Variants in CDK6 observed in about 807,000 individuals in gnomAD.
The protein encoded by CDK6 is cyclin-dependent kinase 6.
A neutral mutation model predicts 37.1 loss-of-function variants in CDK6; 6 were observed. The ratio of observed to expected loss-of-function variants is 0.16; its 90% confidence interval spans 0.09 to 0.32. The LOEUF (loss-of-function observed/expected upper bound fraction) is 0.32, where lower values mean the gene tolerates loss of function less well. Among genes scored for constraint, CDK6 ranks in the 10% least tolerant of loss-of-function variants. The pLI, the probability that CDK6 is intolerant of heterozygous loss-of-function variation, is 1.00. For synonymous variants in CDK6, 160 were observed against 161.3 expected, an observed-to-expected ratio of 0.99 and a Z score of 0.06; for missense variants, 224 against 418.9, an observed-to-expected ratio of 0.53 and a Z score of 4.06.
intron 2 of CDK6, among the ~76,000 whole-genome samples, chr7:92,821,262 T>C (rs1801165413): frequency 6.6e-6 from 1 of 152,024 alleles, no homozygotes; most frequent in Non-Finnish European, 1.5e-5. Flanking sequence ...GCCAACCAAC[T>C]TGCATGAACC....
In CDK6 at chr7:92,672,188, C is replaced by CACACACACACACACACAG. The variant is rs1797097034; in HGVS notation, c.538-654_538-653insCTGTGTGTGTGTGTGTGT. ...ACATACACACACACACACACAGACA[C>CACACACACACACACACAG]ATACACACACACACACACACACACA... is the stretch of plus-strand genomic sequence containing the variant. On this transcript the variant is annotated intron_variant, in intron 4 of 7. Coordinates refer to ENST00000424848, the MANE Select transcript of CDK6 (RefSeq NM_001145306.2). Among the ~76,000 whole-genome samples, 2 of 96,798 alleles carry CACACACACACACACACAG rather than the reference C, an allele frequency of 2.1e-5. 1 individual carries two copies. Among genetic ancestry groups the CACACACACACACACACAG allele is most frequent in the Non-Finnish European group, 4.1e-5 (2 of 49,216 alleles). The allele number at this position is 96,798 out of a possible 152,430, so 63.5% of individuals were successfully genotyped here.
Position 92,613,788 on chromosome 7 carries a change from A to G in CDK6, c.*1352T>C, listed in dbSNP as rs1795613403. The G allele has an allele frequency of 4.3e-6, 1 of 233,228 alleles. No homozygotes were observed. The highest frequency in any genetic ancestry group is 2.2e-5 in the African/African-American group (1 of 45,466). 14.4% of individuals were successfully genotyped at this position (233,228 alleles called of 1,614,324 possible). A position where few individuals can be genotyped will look rare whatever the true frequency, so the allele number is the denominator to read the frequency against. On this transcript the variant is annotated 3_prime_UTR_variant, in exon 8 of 8. Transcript: ENST00000424848. ...TGTGCTGGTGATAAAACAAAACAAG[A>G]TCCTACTCATTATTTAGGTAACAAA... is the stretch of plus-strand genomic sequence containing the variant.
intron 2 of CDK6, among the ~76,000 whole-genome samples, chr7:92,780,792 A>C (rs28534865): frequency 0.12 from 18,652 of 150,702 alleles, 1,313 homozygotes; most frequent in South Asian, 0.29. Context: ...AAAAAACAAA[A>C]AACAACAACA....
In CDK6 at chr7:92,833,085, G is replaced by A. The variant is rs755363558; in HGVS notation, c.233+6C>T. On this transcript the variant is annotated splice_donor_region_variant and intron_variant, in intron 2 of 7. Transcript: ENST00000424848. The surrounding 1 kb of genome is among the most constrained non-coding windows in gnomAD (Gnocchi z 6.1). Reference sequence around the variant, plus strand: ...CAGATGGCGAGGGCGCAGCTCCCTGGCTCACCTGACCACGTTGGGGTGCTC... The same window carrying A: ...CAGATGGCGAGGGCGCAGCTCCCTGACTCACCTGACCACGTTGGGGTGCTC... The A allele has an allele frequency of 7.7e-6, 12 of 1,562,998 alleles. No homozygotes were observed. In the Admixed American group the frequency reaches 2.2e-4, roughly 29 times the overall value.
chr7:92,712,834 C>CTATGTATGTATG lies in CDK6; in HGVS notation c.537+12780_537+12791dup, dbSNP rs4015287. On this transcript the variant is annotated intron_variant, in intron 4 of 7. Coordinates refer to ENST00000424848, the MANE Select transcript of CDK6 (RefSeq NM_001145306.2). Reference sequence around the variant, plus strand: ...TTTCTCTCTTCTTTAGACATTAATCCTATGTATGTATGTATGTATGTATGT... The same window carrying CTATGTATGTATG: ...TTTCTCTCTTCTTTAGACATTAATCCTATGTATGTATGTATGTATGTATGTATGTATGTATGT... Among the ~76,000 whole-genome samples, 224 of 146,428 alleles carry CTATGTATGTATG rather than the reference C, an allele frequency of 1.5e-3. 1 individual carries two copies. Among genetic ancestry groups the CTATGTATGTATG allele is most frequent in the South Asian group, 2.4e-3 (11 of 4,576 alleles).
intron 5 of CDK6, among the ~76,000 whole-genome samples, chr7:92,633,107 A>T (rs1038380298): frequency 6.6e-6 from 1 of 152,070 alleles, no homozygotes; most frequent in Non-Finnish European, 1.5e-5. Flanking sequence ...GAAATCAAGG[A>T]CACATTAAAA....
intron 5 of CDK6, among the ~76,000 whole-genome samples, chr7:92,662,465 G>A (rs113059062): frequency 2.0e-5 from 3 of 152,190 alleles, no homozygotes; most frequent in Admixed American, 1.3e-4. Flanking sequence ...AAACAAGCAC[G>A]TGTGCTCTAG....
intron 4 of CDK6, among the ~76,000 whole-genome samples, chr7:92,707,987 A>G (rs1275341766): frequency 1.3e-5 from 2 of 152,208 alleles, no homozygotes; most frequent in African/African-American, 4.8e-5. Context: ...ACAGACTCTT[A>G]CTGGATTATA....
At chr7:92,662,494 C>CT (rs1319053894) in intron 5 of CDK6, among the ~76,000 whole-genome samples, 1 of 152,126 alleles carries the variant, frequency 6.6e-6, no homozygotes, top group African/African-American at 2.4e-5. Context: ...ATTTCTGTCT[C>CT]TAAGTAGAGC....
chr7:92,745,006 G>T (rs1799025080), intron 3 of CDK6, among the ~76,000 whole-genome samples: 1 of 151,942 alleles, frequency 6.6e-6, no homozygotes, highest in African/African-American at 2.4e-5. Context: ...TATTCATGAG[G>T]TGCAATGTGA....
intron 2 of CDK6, among the ~76,000 whole-genome samples, chr7:92,828,547 T>C (rs1043570546): frequency 6.6e-6 from 1 of 152,210 alleles, no homozygotes; most frequent in Non-Finnish European, 1.5e-5. Flanking sequence ...CTTAAAAAAC[T>C]TTCCTAAGAA....
Position 92,614,571 on chromosome 7 carries a change from A to G in CDK6, c.*569T>C, listed in dbSNP as rs1795630802. 1.3e-5 allele frequency: 3 copies of G among 233,644 alleles called. No homozygotes were observed. The highest frequency in any genetic ancestry group is 2.5e-5 in the Non-Finnish European group (3 of 118,142). The allele number at this position is 233,644 out of a possible 1,614,324, so 14.5% of individuals were successfully genotyped here. Reference sequence around the variant, plus strand: ...GTTAACTTTCTAATTTGAGAAGACTATTTTGGTGAATCACCTTCAGTGAAC... The same window carrying G: ...GTTAACTTTCTAATTTGAGAAGACTGTTTTGGTGAATCACCTTCAGTGAAC... On this transcript the variant is annotated 3_prime_UTR_variant, in exon 8 of 8. Coordinates refer to ENST00000424848, the MANE Select transcript of CDK6 (RefSeq NM_001145306.2).
Position 92,609,557 on chromosome 7 carries a change from T to C in CDK6, c.*5583A>G, listed in dbSNP as rs531902304. 2.0e-4 allele frequency: 46 copies of C among 229,832 alleles called. 1 individual carries two copies. Among genetic ancestry groups the C allele is most frequent in the Middle Eastern group, 2.7e-3 (2 of 750 alleles). 14.2% of individuals were successfully genotyped at this position (229,832 alleles called of 1,614,324 possible). A position where few individuals can be genotyped will look rare whatever the true frequency, so the allele number is the denominator to read the frequency against. Reference sequence around the variant, plus strand: ...AGCAATTTTTCAGACAAAAGTTTTGTCTACTGAATTACTGATGTGCTACTC... The same window carrying C: ...AGCAATTTTTCAGACAAAAGTTTTGCCTACTGAATTACTGATGTGCTACTC... On this transcript the variant is annotated 3_prime_UTR_variant, in exon 8 of 8. Coordinates refer to ENST00000424848, the MANE Select transcript of CDK6 (RefSeq NM_001145306.2).
chr7:92,815,432 G>A (rs1432573663), intron 2 of CDK6, among the ~76,000 whole-genome samples: 1 of 152,174 alleles, frequency 6.6e-6, no homozygotes, highest in Non-Finnish European at 1.5e-5. Flanking sequence ...AAGGCAGTAA[G>A]GGAGCAAGAA....
chr7:92,774,568 G>T (rs553663969), intron 3 of CDK6, 128 bp downstream of exon 3: 1 of 777,822 alleles, frequency 1.3e-6, no homozygotes, highest in Non-Finnish European at 2.0e-6. Flanking sequence ...CATTTTCTTT[G>T]ATTTTTTTAA....
intron 2 of CDK6, among the ~76,000 whole-genome samples, chr7:92,830,973 C>G (rs1004899008): frequency 6.6e-6 from 1 of 152,204 alleles, no homozygotes; most frequent in Non-Finnish European, 1.5e-5. Flanking sequence ...TCTGCTGAAA[C>G]GCAAACAATC....
At chr7:92,745,691 A>T (rs1182560261) in intron 3 of CDK6, among the ~76,000 whole-genome samples, 1 of 152,186 alleles carries the variant, frequency 6.6e-6, no homozygotes, top group African/African-American at 2.4e-5. Flanking sequence ...TTGAGTTTGA[A>T]AATAACTTTC....
chr7:92,833,245 C>T lies in CDK6; in HGVS notation c.79G>A (p.Val27Met), dbSNP rs2116033673. The change falls in exon 2 of 8, where the codon GTG becomes ATG. Residue 27 changes from valine (V) to methionine (M), a missense_variant. By Grantham distance (21) the Val-to-Met change is conservative. Around this residue, in one of 5 missense-constraint regions of CDK6, gnomAD observed 13 missense variants for 43.8 expected, o/e 0.30. Coordinates refer to ENST00000424848, the MANE Select transcript of CDK6 (RefSeq NM_001145306.2). This position sits in a 1 kb window ranked among gnomAD's most constrained non-coding sequence, Gnocchi z 6.1. ...AEIGEGAYGK[V>M]FKARDLKNGG... ...TTCTTCAAGTCGCGGGCCTTGAACA[C>T]CTTCCCATAGGCGCCCTCCCCGATC... 1 of 1,610,886 alleles carries T rather than the reference C, an allele frequency of 6.2e-7. No individual in the cohort carries two copies. The highest frequency in any genetic ancestry group is 8.5e-7 in the Non-Finnish European group (1 of 1,179,210).
chr7:92,750,236 CT>C (rs1036467679), intron 3 of CDK6, among the ~76,000 whole-genome samples: 238 of 152,266 alleles, frequency 1.6e-3, no homozygotes, highest in African/African-American at 5.6e-3. Flanking sequence ...TAGCACAGTA[CT>C]AACTGCATGA....
Sources: allele counts gnomAD v4.1 joint callset (sites outside exome capture counted in the v4.1 genomes callset), GRCh38; gene constraint gnomAD v4.1.1; regional missense constraint gnomAD v4.1.1; non-coding constraint Gnocchi (gnomAD v3.1); transcripts MANE v1.5; gene names NCBI Gene and HGNC (gene_info 2026-07-23, HGNC 2026-07-21).